ANKFN1: variants seen among roughly 807,000 people sequenced by gnomAD.
ANKFN1 encodes ankyrin repeat and fibronectin type III domain containing 1, also known as ankyrin repeat and fibronectin type-III domain-containing protein 1.
Under a neutral mutation model 108.7 loss-of-function variants are expected in ANKFN1, and 74 were observed. That is an observed-to-expected ratio of 0.68 (90% CI 0.56 to 0.83). The LOEUF is 0.83. Ranked by LOEUF, ANKFN1 falls within the 40% of genes least tolerant of loss-of-function variation. ANKFN1 has a pLI of 0.00. For missense variants in ANKFN1, 1,505 were observed against 1,382.3 expected (o/e 1.09, Z -1.41); for synonymous variants, 547 against 516.2 (o/e 1.06, Z -0.81).
intron 4 of ANKFN1, among the ~76,000 whole-genome samples, chr17:56,063,213 G>A (rs768416690): frequency 4.0e-4 from 61 of 152,036 alleles, no homozygotes; most frequent in Middle Eastern, 3.2e-3. Flanking sequence ...TAGAGAATCC[G>A]AAGATTATAT....
At chr17:56,353,602 C>T (rs572307394) in intron 5 of ANKFN1, among the ~76,000 whole-genome samples, 1 of 152,270 alleles carries the variant, frequency 6.6e-6, no homozygotes, top group East Asian at 1.9e-4. Context: ...CTCTTATCTA[C>T]AGCCCAGCCA....
chr17:56,285,385 T>G (rs570420120), intron 3 of ANKFN1, among the ~76,000 whole-genome samples: 1 of 152,206 alleles, frequency 6.6e-6, no homozygotes, highest in African/African-American at 2.4e-5. Flanking sequence ...TAGAACTTCC[T>G]TCTACTCCTT....
intron 4 of ANKFN1, among the ~76,000 whole-genome samples, chr17:56,125,540 C>T (rs759648997): frequency 1.3e-5 from 2 of 152,150 alleles, no homozygotes; most frequent in Admixed American, 1.3e-4. Context: ...GTATTGTGTG[C>T]TTACCATGTT....
chr17:56,099,085 C>A (rs1207977799), intron 4 of ANKFN1, among the ~76,000 whole-genome samples: 2 of 152,190 alleles, frequency 1.3e-5, no homozygotes, highest in Non-Finnish European at 2.9e-5. Flanking sequence ...TACTTTGTCA[C>A]AACTCAGAAG....
chr17:56,204,905 C>A (rs955985327), intron 1 of ANKFN1, among the ~76,000 whole-genome samples: 1 of 151,998 alleles, frequency 6.6e-6, no homozygotes, highest in African/African-American at 2.4e-5. Flanking sequence ...GAAACCCCGT[C>A]TCTACTAAAA....
intron 3 of ANKFN1, among the ~76,000 whole-genome samples, chr17:56,296,015 G>A (rs993683064): frequency 1.4e-4 from 22 of 152,238 alleles, no homozygotes; most frequent in African/African-American, 5.1e-4. Context: ...GGATACACAT[G>A]TATTAAATAT....
At position 56,515,044 on chromosome 17, in the gene ANKFN1, ACCTTCTCTTGGAGAACTCACTTAAC is replaced by A. The variant is rs2051879243; in HGVS notation, c.*3776_*3800del. Among the ~76,000 whole-genome samples, 1 of 151,880 alleles carries A rather than the reference ACCTTCTCTTGGAGAACTCACTTAAC, an allele frequency of 6.6e-6. No individual in the cohort carries two copies. Among genetic ancestry groups the A allele is most frequent in the East Asian group, 1.9e-4 (1 of 5,152 alleles). ...TTCATCCTGCAACCAAGATGTACTT[ACCTTCTCTTGGAGAACTCACTTAAC>A]AGCTTAAGTGAGTTCTCCAAGAGAA... On this transcript the variant is annotated 3_prime_UTR_variant, in exon 21 of 21. Coordinates refer to ENST00000682825, the MANE Select transcript of ANKFN1 (RefSeq NM_001370326.1).
At chr17:56,278,253 C>G (rs555371191) in intron 3 of ANKFN1, among the ~76,000 whole-genome samples, 2 of 152,252 alleles carry the variant, frequency 1.3e-5, no homozygotes, top group African/African-American at 4.8e-5. Flanking sequence ...GAATACAATT[C>G]AGGTTCTGGC....
At chr17:56,221,132 G>A (rs1915868795) in intron 2 of ANKFN1, among the ~76,000 whole-genome samples, 1 of 152,040 alleles carries the variant, frequency 6.6e-6, no homozygotes, top group Non-Finnish European at 1.5e-5. Flanking sequence ...AAGAGAGAGA[G>A]AGCATAAAGA....
At chr17:56,278,575 CA>C (rs751830696) in intron 3 of ANKFN1, among the ~76,000 whole-genome samples, 19 of 152,268 alleles carry the variant, frequency 1.2e-4, no homozygotes, top group East Asian at 1.2e-3. Flanking sequence ...AATTCCAGTT[CA>C]AAAAAATTCC....
At chr17:56,265,679 T>C (rs139936503) in intron 3 of ANKFN1, among the ~76,000 whole-genome samples, 1 of 152,320 alleles carries the variant, frequency 6.6e-6, no homozygotes, top group East Asian at 1.9e-4. Flanking sequence ...CCAAAATCCA[T>C]GGATGCTCAA....
At chr17:56,401,056 C>T (rs544212515) in intron 8 of ANKFN1, among the ~76,000 whole-genome samples, 5 of 152,102 alleles carry the variant, frequency 3.3e-5, no homozygotes, top group African/African-American at 1.2e-4. Flanking sequence ...CTTAGTCTTG[C>T]TTTGGCTATG....
chr17:56,092,646 C>T lies in ANKFN1; in HGVS notation c.288+46321C>T, dbSNP rs536750824. ...GCTTAAAACAGCACCCATTTATTAGCTCACAGCTCTACAGGTCAGAAGCCA... is the reference window on the plus strand; with the variant it reads ...GCTTAAAACAGCACCCATTTATTAGTTCACAGCTCTACAGGTCAGAAGCCA... On this transcript the variant is annotated intron_variant, in intron 4 of 12. Transcript: ENST00000635860. 7.3e-5 allele frequency among the ~76,000 whole-genome samples: 11 copies of T among 151,254 alleles called. No individual in the cohort carries two copies. The South Asian group carries it at 2.3e-3, about 32-fold the overall frequency.
intron 4 of ANKFN1, among the ~76,000 whole-genome samples, chr17:56,084,222 C>A (rs367812447): frequency 1.2e-4 from 18 of 151,336 alleles, no homozygotes; most frequent in Admixed American, 4.6e-4. Flanking sequence ...CACCAGAAGG[C>A]AAATGGCCAC....
chr17:56,152,481 A>T (rs11867943), upstream of ANKFN1, among the ~76,000 whole-genome samples: 15,873 of 152,042 alleles, frequency 0.1, 1,166 homozygotes, highest in East Asian at 0.28. Flanking sequence ...TCTATTTTTA[A>T]AAAAGCAATT....
chr17:56,125,425 G>A (rs1306330922), intron 4 of ANKFN1, among the ~76,000 whole-genome samples: 1 of 152,188 alleles, frequency 6.6e-6, no homozygotes, highest in African/African-American at 2.4e-5. Context: ...GAAAAAAGGA[G>A]AAGACTCCCT....
At chr17:56,160,468 G>A (rs570791792) in intron 1 of ANKFN1, among the ~76,000 whole-genome samples, 4 of 150,548 alleles carry the variant, frequency 2.7e-5, no homozygotes, top group East Asian at 1.9e-4. Flanking sequence ...TACATTCAGC[G>A]GTCTGTTTGC....
At chr17:56,349,024 A>T (rs2046178023) in intron 4 of ANKFN1, among the ~76,000 whole-genome samples, 1 of 152,212 alleles carries the variant, frequency 6.6e-6, no homozygotes, top group South Asian at 2.1e-4. Flanking sequence ...TGGTATATAT[A>T]CACCATGGAA....
At chr17:56,102,293 C>T (rs751539309) in intron 4 of ANKFN1, among the ~76,000 whole-genome samples, 12 of 152,100 alleles carry the variant, frequency 7.9e-5, no homozygotes, top group South Asian at 2.1e-4. Flanking sequence ...TTTTACTATA[C>T]GGTCAATTAT....
Sources: allele counts gnomAD v4.1 joint callset (sites outside exome capture counted in the v4.1 genomes callset), GRCh38; gene constraint gnomAD v4.1.1; transcripts MANE v1.5; gene names NCBI Gene and HGNC (gene_info 2026-07-23, HGNC 2026-07-21).